STAU2: variants seen among roughly 807,000 people sequenced by gnomAD.
The protein encoded by STAU2 is double-stranded RNA-binding protein Staufen homolog 2.
In STAU2, 20 loss-of-function variants were observed where a neutral mutation model predicts 65.9. That is an observed-to-expected ratio of 0.30 (90% CI 0.21 to 0.44). The LOEUF (loss-of-function observed/expected upper bound fraction) is 0.44, where lower values mean the gene tolerates loss of function less well. STAU2 is among the 20% of genes least tolerant of loss of function. The pLI is 1.00. For synonymous variants in STAU2, 232 were observed against 233.9 expected (o/e 0.99, Z 0.07); for missense variants, 558 against 683.9 (o/e 0.82, Z 2.05).
chr8:73,512,903 AT>A (rs1353032956), intron 13 of STAU2, among the ~76,000 whole-genome samples: 1 of 152,020 alleles, frequency 6.6e-6, no homozygotes, highest in Non-Finnish European at 1.5e-5. Flanking sequence ...GAGATTCTTT[AT>A]TTGTTGAACC....
intron 6 of STAU2, among the ~76,000 whole-genome samples, chr8:73,655,408 CTTGT>C (rs1457739716): frequency 6.6e-6 from 1 of 152,036 alleles, no homozygotes; most frequent in Non-Finnish European, 1.5e-5. Flanking sequence ...CCAGCTGTAT[CTTGT>C]TTAACTTGCA....
intron 9 of STAU2, 119 bp from the exon 10 acceptor site, chr8:73,603,982 T>C (rs1270055051): frequency 9.3e-7 from 1 of 1,078,188 alleles, no homozygotes; most frequent in Non-Finnish European, 1.3e-6. Context: ...CTAGAAAAGA[T>C]AAATGAGTCA....
intron 6 of STAU2, among the ~76,000 whole-genome samples, chr8:73,646,902 A>G (rs1273840908): frequency 3.3e-5 from 5 of 150,878 alleles, no homozygotes; most frequent in East Asian, 1.9e-4. Context: ...GAAAATGTGC[A>G]TAAGACAGAG....
chr8:73,689,871 C>T (rs1214434225), intron 4 of STAU2, among the ~76,000 whole-genome samples: 1 of 151,986 alleles, frequency 6.6e-6, no homozygotes, highest in East Asian at 1.9e-4. Flanking sequence ...ATATCAACAA[C>T]CATGTACAAT....
intron 14 of STAU2, 79 bp downstream of exon 14, chr8:73,422,535 T>A (rs966858874): frequency 1.7e-6 from 2 of 1,159,244 alleles, no homozygotes; most frequent in African/African-American, 1.6e-5. Context: ...GTCGACTTTT[T>A]AAAACATTAT....
chr8:73,661,584 C>T (rs1816837976), intron 6 of STAU2, among the ~76,000 whole-genome samples: 1 of 152,130 alleles, frequency 6.6e-6, no homozygotes, highest in South Asian at 2.1e-4. Context: ...CAAAACTTTC[C>T]TTGTATAGGA....
chr8:73,588,739 A>G (rs184409654), intron 11 of STAU2, among the ~76,000 whole-genome samples: 2 of 152,356 alleles, frequency 1.3e-5, no homozygotes, highest in Admixed American at 1.3e-4. Flanking sequence ...AACCTACTTG[A>G]GAGTAAGACA....
chr8:73,526,320 A>G (rs1381086976), intron 13 of STAU2, among the ~76,000 whole-genome samples: 2 of 152,218 alleles, frequency 1.3e-5, no homozygotes, highest in Non-Finnish European at 2.9e-5. Context: ...CTGACCACCA[A>G]TTACATGATC....
intron 13 of STAU2, among the ~76,000 whole-genome samples, chr8:73,476,127 C>T (rs185197324): frequency 2.6e-5 from 4 of 152,056 alleles, no homozygotes; most frequent in Admixed American, 6.5e-5. Context: ...CCAATGGGAG[C>T]GATATGGGCA....
intron 13 of STAU2, among the ~76,000 whole-genome samples, chr8:73,535,380 A>G (rs1264147227): frequency 6.6e-6 from 1 of 152,126 alleles, no homozygotes; most frequent in Admixed American, 6.5e-5. Flanking sequence ...CGTGATAGCC[A>G]GGATGGTCTC....
chr8:73,591,395 CAAATGGTCTA>C (rs1810766441), intron 11 of STAU2, among the ~76,000 whole-genome samples: 1 of 151,986 alleles, frequency 6.6e-6, no homozygotes, highest in Non-Finnish European at 1.5e-5. Context: ...TCAGTAAGTG[CAAATGGTCTA>C]ATCACCCTAA....
intron 9 of STAU2, among the ~76,000 whole-genome samples, chr8:73,611,119 T>G (rs1401110461): frequency 6.6e-6 from 1 of 152,192 alleles, no homozygotes; most frequent in Non-Finnish European, 1.5e-5. Flanking sequence ...CTATAGACCC[T>G]CAATGTATAA....
At chr8:73,722,221 C>T (rs952426381) in intron 3 of STAU2, among the ~76,000 whole-genome samples, 3 of 152,100 alleles carry the variant, frequency 2.0e-5, no homozygotes, top group Non-Finnish European at 4.4e-5. Context: ...ATGCATTTTA[C>T]TTTTAGATAA....
intron 13 of STAU2, among the ~76,000 whole-genome samples, chr8:73,472,797 G>A (rs956395463): frequency 1.3e-5 from 2 of 152,044 alleles, no homozygotes; most frequent in Non-Finnish European, 2.9e-5. Flanking sequence ...CCCACCTTCG[G>A]CTGTATTAAG....
intron 13 of STAU2, chr8:73,511,523 G>A (rs1156914102): frequency 6.6e-6 from 1 of 152,650 alleles, no homozygotes; most frequent in African/African-American, 2.4e-5. Context: ...GTGTGGCCTT[G>A]GCCAGGAGCA....
chr8:73,719,074 T>C (rs1484971290), intron 3 of STAU2, among the ~76,000 whole-genome samples: 1 of 152,176 alleles, frequency 6.6e-6, no homozygotes, highest in Non-Finnish European at 1.5e-5. Context: ...ACGGAACTGG[T>C]TAAAGTGGAC....
At chr8:73,468,803 C>T (rs1428772193) in intron 13 of STAU2, among the ~76,000 whole-genome samples, 3 of 152,106 alleles carry the variant, frequency 2.0e-5, no homozygotes, top group African/African-American at 4.8e-5. Context: ...AGTCAGGAAA[C>T]GACAGGTGCT....
At chr8:73,587,060 G>A (rs534950527) in intron 11 of STAU2, among the ~76,000 whole-genome samples, 2 of 152,200 alleles carry the variant, frequency 1.3e-5, no homozygotes, top group South Asian at 4.1e-4. Flanking sequence ...CAGAACCCCT[G>A]AGAAAATAGA....
At chr8:73,636,660 C>T (rs533367369) in intron 6 of STAU2, among the ~76,000 whole-genome samples, 3 of 151,774 alleles carry the variant, frequency 2.0e-5, no homozygotes, top group South Asian at 2.1e-4. Context: ...GCTATGAGTT[C>T]GAGACCAGCC....
Sources: gnomAD v4.1 joint callset for allele counts (sites outside exome capture counted in the v4.1 genomes callset) on GRCh38, gnomAD v4.1.1 for gene constraint, MANE v1.5 for transcripts, NCBI Gene and HGNC (gene_info 2026-07-23, HGNC 2026-07-21) for gene names.